The following VWA8 variants were observed in gnomAD, a reference collection of about 807,000 sequenced individuals.
The protein encoded by VWA8 is von Willebrand factor A domain-containing protein 8.
Under a neutral mutation model 241.5 loss-of-function variants are expected in VWA8, and 221 were observed. That is an observed-to-expected ratio of 0.91 (90% confidence interval 0.82 to 1.02). The LOEUF (loss-of-function observed/expected upper bound fraction) is 1.02, where lower values mean the gene tolerates loss of function less well. Among genes scored for constraint, VWA8 ranks in the 50% least tolerant of loss-of-function variants. The pLI is 0.00. For synonymous variants in VWA8, 852 were observed against 827.1 expected, an observed-to-expected ratio of 1.03 and a Z score of -0.52; for missense variants, 2,322 against 2,328.7, an observed-to-expected ratio of 1.00 and a Z score of 0.06.
At chr13:41,751,673 A>T (rs1206033527) in intron 21 of VWA8, among the ~76,000 whole-genome samples, 3 of 152,142 alleles carry the variant, frequency 2.0e-5, no homozygotes, top group Admixed American at 2.0e-4. Context: ...ATTTGATTTA[A>T]GAGGGCAGAA....
intron 17 of VWA8, among the ~76,000 whole-genome samples, chr13:41,794,397 T>C (rs1869594012): frequency 6.6e-6 from 1 of 152,182 alleles, no homozygotes; most frequent in South Asian, 2.1e-4. Context: ...TTTGCAGCAA[T>C]TGTGAATGGG....
At chr13:41,912,361 C>G (rs1423628996) in intron 2 of VWA8, among the ~76,000 whole-genome samples, 193 bp from the exon 3 acceptor site, 1 of 151,590 alleles carries the variant, frequency 6.6e-6, no homozygotes, top group African/African-American at 2.4e-5. Flanking sequence ...ATGTAGACAC[C>G]TGCTGAATTT....
chr13:41,795,430 G>C (rs932343633), intron 17 of VWA8, among the ~76,000 whole-genome samples: 21 of 152,200 alleles, frequency 1.4e-4, no homozygotes, highest in South Asian at 4.2e-4. Flanking sequence ...ATTTTACCCA[G>C]CAATCCCATT....
chr13:41,846,797 G>A (rs1265919395), intron 12 of VWA8, among the ~76,000 whole-genome samples: 2 of 152,152 alleles, frequency 1.3e-5, no homozygotes, highest in Non-Finnish European at 1.5e-5. Context: ...AGCACTTTGG[G>A]AGGCCAAGGT....
intron 17 of VWA8, among the ~76,000 whole-genome samples, chr13:41,810,453 T>C (rs2137973164): frequency 6.6e-6 from 1 of 152,228 alleles, no homozygotes; most frequent in East Asian, 1.9e-4. Context: ...AAAGAATGAA[T>C]GAAGTTCTGT....
intron 4 of VWA8, among the ~76,000 whole-genome samples, chr13:41,897,881 T>C (rs918729351): frequency 1.3e-5 from 2 of 152,178 alleles, no homozygotes; most frequent in Non-Finnish European, 2.9e-5. Flanking sequence ...CCTGCTTTTA[T>C]TCTGCTAGCT....
intron 40 of VWA8, among the ~76,000 whole-genome samples, chr13:41,599,843 C>T (rs987951676): frequency 2.6e-5 from 4 of 152,122 alleles, no homozygotes; most frequent in East Asian, 1.9e-4. Context: ...TGGGGCTGGT[C>T]TGGCCTTTTT....
intron 2 of VWA8, among the ~76,000 whole-genome samples, chr13:41,937,608 G>C (rs1349385157): frequency 6.6e-6 from 1 of 152,160 alleles, no homozygotes; most frequent in Non-Finnish European, 1.5e-5. Context: ...CTGTTGTGCA[G>C]CCTTGTTTCT....
chr13:41,890,439 T>G (rs753651361), intron 5 of VWA8, among the ~76,000 whole-genome samples: 2 of 152,240 alleles, frequency 1.3e-5, no homozygotes, highest in Non-Finnish European at 2.9e-5. Context: ...TGGTACAGCT[T>G]GAGCTGGATG....
intron 24 of VWA8, among the ~76,000 whole-genome samples, chr13:41,722,419 C>T (rs1364645356): frequency 2.6e-5 from 4 of 151,962 alleles, no homozygotes; most frequent in Non-Finnish European, 5.9e-5. Context: ...ATGAGGATAT[C>T]TAGTAAGGTA....
At chr13:41,822,261 T>C (rs966225521) in intron 14 of VWA8, among the ~76,000 whole-genome samples, 2 of 152,172 alleles carry the variant, frequency 1.3e-5, no homozygotes, top group Non-Finnish European at 2.9e-5. Flanking sequence ...ATTGAATTTG[T>C]ACATTGGGGA....
chr13:41,720,226 G>A (rs562937135), intron 25 of VWA8, among the ~76,000 whole-genome samples: 1 of 152,210 alleles, frequency 6.6e-6, no homozygotes, highest in South Asian at 2.1e-4. Context: ...GAAACAGGGA[G>A]CAGTAGAGGG....
intron 21 of VWA8, among the ~76,000 whole-genome samples, chr13:41,749,004 A>C (rs2045632436): frequency 6.6e-6 from 1 of 152,236 alleles, no homozygotes. Context: ...CAGAATTGAT[A>C]AATGGGATCT....
At chr13:41,691,104 T>C (rs2045174033) in intron 32 of VWA8, among the ~76,000 whole-genome samples, 1 of 152,144 alleles carries the variant, frequency 6.6e-6, no homozygotes, top group African/African-American at 2.4e-5. Flanking sequence ...AAGTCATGAT[T>C]TTTTAACTGT....
intron 26 of VWA8, among the ~76,000 whole-genome samples, chr13:41,711,876 AC>A (rs1388719811): frequency 3.3e-5 from 5 of 150,868 alleles, no homozygotes; most frequent in Non-Finnish European, 5.9e-5. Context: ...TCTGTCTCAA[AC>A]AAAAAAAAAA....
intron 20 of VWA8, among the ~76,000 whole-genome samples, chr13:41,777,755 G>A (rs1868672961): frequency 6.6e-6 from 1 of 152,166 alleles, no homozygotes; most frequent in Non-Finnish European, 1.5e-5. Context: ...TGGACAAGAA[G>A]AGTAGATACT....
chr13:41,725,094 G>T (rs2045422040), intron 24 of VWA8, among the ~76,000 whole-genome samples: 2 of 152,028 alleles, frequency 1.3e-5, no homozygotes, highest in South Asian at 4.2e-4. Flanking sequence ...GGGCAGAGGG[G>T]TTCCAAGTGC....
Position 41,590,496 on chromosome 13 carries a change from TTC to T in VWA8, c.5112+142_5112+143del, listed in dbSNP as rs764775843. On this transcript the variant is annotated intron_variant, in intron 41 of 44. Transcript: ENST00000379310. ...ATTTATGGAGTTTTTCTTCTTCTTC[TTC>T]TTTTTTTTTTTTTTTAACATAATGC... 2,727 of 975,792 alleles carry T rather than the reference TTC, an allele frequency of 2.8e-3. 56 individuals carry two copies. In the African/African-American group the frequency reaches 0.043, roughly 15 times the overall value. 60.4% of individuals were successfully genotyped at this position (975,792 alleles called of 1,614,324 possible).
At chr13:41,572,822 G>C (rs746112961) in intron 43 of VWA8, among the ~76,000 whole-genome samples, 20 of 96,518 alleles carry the variant, frequency 2.1e-4, no homozygotes, top group African/African-American at 6.0e-4. Context: ...AAAAAAAAAA[G>C]AAACAGGCCG....
Sources: gnomAD v4.1 joint callset for allele counts (sites outside exome capture counted in the v4.1 genomes callset) on GRCh38, gnomAD v4.1.1 for gene constraint, MANE v1.5 for transcripts, NCBI Gene and HGNC (gene_info 2026-07-23, HGNC 2026-07-21) for gene names.